Variants in AUTS2 observed in about 807,000 individuals in gnomAD.
AUTS2 encodes autism susceptibility gene 2 protein.
AUTS2 carries 17 observed loss-of-function variants against 112.4 expected under a neutral mutation model. That is an observed-to-expected ratio of 0.15 (90% CI 0.10 to 0.23). The LOEUF is 0.23. AUTS2 is among the 10% of genes least tolerant of loss of function. The probability of loss-of-function intolerance (pLI) is 1.00; values close to 1 mark genes in which losing one functional copy is unlikely to be tolerated. For synonymous variants in AUTS2, 751 were observed against 702.7 expected (o/e 1.07, Z -1.09); for missense variants, 1,510 against 1,701.6 (o/e 0.89, Z 1.98).
chr7:70,607,615 C>T (rs751505003), intron 5 of AUTS2, among the ~76,000 whole-genome samples: 24 of 152,188 alleles, frequency 1.6e-4, no homozygotes, highest in Non-Finnish European at 3.1e-4. Context: ...ATGCCCATGC[C>T]ATTTCCTTCA....
intron 5 of AUTS2, among the ~76,000 whole-genome samples, chr7:70,471,047 CT>C (rs1272320785): frequency 2.6e-5 from 4 of 152,290 alleles, no homozygotes; most frequent in Non-Finnish European, 4.4e-5. Context: ...GCTCTTCCCC[CT>C]GGGACAGTTA....
chr7:70,169,082 G>C (rs1479811959), intron 4 of AUTS2, among the ~76,000 whole-genome samples: 2 of 152,118 alleles, frequency 1.3e-5, no homozygotes, highest in East Asian at 3.8e-4. Flanking sequence ...GAGATGGATA[G>C]AAAACAGGCT....
chr7:70,406,751 T>C (rs1025462312), intron 4 of AUTS2, among the ~76,000 whole-genome samples: 2 of 152,184 alleles, frequency 1.3e-5, no homozygotes, highest in Admixed American at 1.3e-4. Flanking sequence ...CTTGCAGAAA[T>C]TCAGGAAACA....
At chr7:70,002,788 G>C (rs1341838388) in intron 2 of AUTS2, among the ~76,000 whole-genome samples, 3 of 151,964 alleles carry the variant, frequency 2.0e-5, no homozygotes, top group Non-Finnish European at 4.4e-5. Context: ...AACATTGAAG[G>C]TAAGATTTGC....
intron 2 of AUTS2, among the ~76,000 whole-genome samples, chr7:70,035,376 G>A (rs1183825497): frequency 1.3e-5 from 2 of 152,168 alleles, no homozygotes; most frequent in Non-Finnish European, 2.9e-5. Context: ...AAAGTACTTG[G>A]CATAACACCA....
intron 1 of AUTS2, among the ~76,000 whole-genome samples, chr7:69,843,506 A>G (rs1217375594): frequency 6.6e-6 from 1 of 152,228 alleles, no homozygotes; most frequent in African/African-American, 2.4e-5. Context: ...GATACTTGAT[A>G]TAATGCCTGG....
At chr7:70,753,394 T>G (rs938367426) in intron 6 of AUTS2, among the ~76,000 whole-genome samples, 1 of 152,188 alleles carries the variant, frequency 6.6e-6, no homozygotes, top group Non-Finnish European at 1.5e-5. Context: ...AAGCACAAAA[T>G]AGAATCTCTT....
intron 1 of AUTS2, among the ~76,000 whole-genome samples, chr7:69,828,057 G>A (rs1791332702): frequency 6.6e-6 from 1 of 152,248 alleles, no homozygotes; most frequent in African/African-American, 2.4e-5. Flanking sequence ...TGATAGCATT[G>A]CTGTGGAGGA....
intron 5 of AUTS2, among the ~76,000 whole-genome samples, chr7:70,660,282 C>G (rs73451621): frequency 0.012 from 1,869 of 152,274 alleles, 42 homozygotes; most frequent in African/African-American, 0.042. Context: ...CCACTTCACC[C>G]TGGGTCAATG....
At chr7:70,012,788 T>C (rs1413478523) in intron 2 of AUTS2, among the ~76,000 whole-genome samples, 2 of 152,314 alleles carry the variant, frequency 1.3e-5, no homozygotes, top group East Asian at 3.9e-4. Context: ...ATGTGATCAG[T>C]ATGTGATGAT....
chr7:70,244,925 G>A (rs1177580330), intron 4 of AUTS2, among the ~76,000 whole-genome samples: 3 of 151,888 alleles, frequency 2.0e-5, no homozygotes, highest in African/African-American at 7.3e-5. Flanking sequence ...TTTGTGACCA[G>A]TCTGGCCAAC....
In AUTS2 at chr7:70,353,251, A is replaced by G. The variant is rs1266739890; in HGVS notation, c.661-82501A>G. ...AGCTTGCATAGGACTCAGCAAAGCA[A>G]TATGTCAAATTCCTTATATTTGTTA... On this transcript the variant is annotated intron_variant, in intron 4 of 18. Transcript: ENST00000342771. 2.6e-5 allele frequency among the ~76,000 whole-genome samples: 4 copies of G among 152,230 alleles called. No homozygotes were observed. In the East Asian group the frequency reaches 7.7e-4, roughly 29 times the overall value.
chr7:69,644,933 G>A (rs530152935), intron 1 of AUTS2, among the ~76,000 whole-genome samples: 51 of 151,880 alleles, frequency 3.4e-4, no homozygotes, highest in Admixed American at 5.9e-4. Flanking sequence ...CTTAAGAGAC[G>A]GGGTCTTGCT....
At chr7:69,954,554 CT>C (rs1366262278) in intron 2 of AUTS2, among the ~76,000 whole-genome samples, 1 of 152,232 alleles carries the variant, frequency 6.6e-6, no homozygotes, top group Non-Finnish European at 1.5e-5. Flanking sequence ...AGTGATTCTC[CT>C]GCCTTGGCCC....
intron 5 of AUTS2, among the ~76,000 whole-genome samples, chr7:70,536,294 A>C (rs1482394742): frequency 6.6e-6 from 1 of 152,212 alleles, no homozygotes; most frequent in African/African-American, 2.4e-5. Flanking sequence ...ATCTCAAAAA[A>C]TTAAAAAATA....
At chr7:70,408,563 G>A (rs1034804700) in intron 4 of AUTS2, among the ~76,000 whole-genome samples, 3 of 152,190 alleles carry the variant, frequency 2.0e-5, no homozygotes, top group African/African-American at 7.2e-5. Flanking sequence ...AGTGCTTACA[G>A]CACCTGGTGC....
intron 4 of AUTS2, among the ~76,000 whole-genome samples, chr7:70,310,495 C>T (rs1336620063): frequency 6.6e-6 from 1 of 151,932 alleles, no homozygotes; most frequent in Non-Finnish European, 1.5e-5. Flanking sequence ...CGCCTGTAGT[C>T]CCAGCTACTT....
intron 2 of AUTS2, among the ~76,000 whole-genome samples, chr7:69,911,524 A>G (rs964754314): frequency 2.6e-5 from 4 of 152,208 alleles, no homozygotes; most frequent in Non-Finnish European, 5.9e-5. Context: ...AGAATGAGGT[A>G]CAGCAGACAA....
At chr7:70,635,286 C>T (rs947348463) in intron 5 of AUTS2, among the ~76,000 whole-genome samples, 1 of 152,176 alleles carries the variant, frequency 6.6e-6, no homozygotes, top group East Asian at 1.9e-4. Context: ...CCTGTGTGTC[C>T]TCTCAACTTT....
Sources: allele counts gnomAD v4.1 joint callset (sites outside exome capture counted in the v4.1 genomes callset), GRCh38; gene constraint gnomAD v4.1.1; transcripts MANE v1.5; gene names NCBI Gene and HGNC (gene_info 2026-07-23, HGNC 2026-07-21).